GRIK4: variants seen among roughly 807,000 people sequenced by gnomAD.
GRIK4 encodes the protein glutamate ionotropic receptor kainate type subunit 4.
A neutral mutation model predicts 104.9 loss-of-function variants in GRIK4; 40 were observed. That is an observed-to-expected ratio of 0.38 (90% confidence interval 0.30 to 0.50). The LOEUF is 0.50. Ranked by LOEUF, GRIK4 falls within the 20% of genes least tolerant of loss-of-function variation. The pLI, the probability that GRIK4 is intolerant of heterozygous loss-of-function variation, is 0.93. For synonymous variants in GRIK4, 485 were observed against 524.9 expected (o/e 0.92, Z 1.04); for missense variants, 1,047 against 1,308.1 (o/e 0.80, Z 3.08).
At chr11:120,786,776 A>G (rs1952287072) in intron 3 of GRIK4, among the ~76,000 whole-genome samples, 1 of 152,194 alleles carries the variant, frequency 6.6e-6, no homozygotes, top group African/African-American at 2.4e-5. Context: ...GAGAAAATAG[A>G]TGCCATCCAG....
At position 120,956,722 on chromosome 11, in the gene GRIK4, C is replaced by A; in HGVS notation, c.1701-58C>A. The A allele has an allele frequency of 7.5e-7, 1 of 1,329,660 alleles. No homozygotes were observed. The highest frequency in any genetic ancestry group is 1.4e-5 in the African/African-American group (1 of 69,228). 82.4% of individuals were successfully genotyped at this position (1,329,660 alleles called of 1,614,324 possible). A position where few individuals can be genotyped will look rare whatever the true frequency, so the allele number is the denominator to read the frequency against. ...GGTGAGACCAGCCAGGAGAGCCTGC[C>A]TGTGTCCCTTCACACCCCGCCTCTG... is the stretch of plus-strand genomic sequence containing the variant. On this transcript the variant is annotated intron_variant, in intron 15 of 20. Coordinates refer to ENST00000527524, the MANE Select transcript of GRIK4 (RefSeq NM_014619.5). This position sits in a 1 kb window ranked among gnomAD's most constrained non-coding sequence, Gnocchi z 4.6.
At chr11:120,778,399 A>G (rs1445076371) in intron 3 of GRIK4, among the ~76,000 whole-genome samples, 1 of 152,252 alleles carries the variant, frequency 6.6e-6, no homozygotes, top group Non-Finnish European at 1.5e-5. Context: ...CATTCCGTTT[A>G]TATCCCTATG....
intron 3 of GRIK4, among the ~76,000 whole-genome samples, chr11:120,774,946 G>T (rs2135462386): frequency 2.0e-5 from 3 of 152,310 alleles, no homozygotes; most frequent in African/African-American, 7.2e-5. Flanking sequence ...CTCTACCACA[G>T]GGGTGAGAGA....
At chr11:120,842,175 A>G (rs991939620) in intron 8 of GRIK4, among the ~76,000 whole-genome samples, 1 of 152,218 alleles carries the variant, frequency 6.6e-6, no homozygotes, top group Non-Finnish European at 1.5e-5. Context: ...GTTTCACACA[A>G]TGGAAGAAAA....
At chr11:120,723,431 C>A (rs775236736) in intron 3 of GRIK4, among the ~76,000 whole-genome samples, 3 of 152,180 alleles carry the variant, frequency 2.0e-5, no homozygotes, top group African/African-American at 7.2e-5. Flanking sequence ...GGGTGACAAG[C>A]AACACCAGGA....
chr11:120,526,344 T>G (rs1296325910), intron 1 of GRIK4, among the ~76,000 whole-genome samples: 1 of 151,480 alleles, frequency 6.6e-6, no homozygotes, highest in East Asian at 2.0e-4. Flanking sequence ...TCTACAGGCA[T>G]GTACCACCAT....
chr11:120,540,043 T>C (rs892495039), intron 1 of GRIK4, among the ~76,000 whole-genome samples: 1 of 152,108 alleles, frequency 6.6e-6, no homozygotes, highest in Non-Finnish European at 1.5e-5. Flanking sequence ...CTAGGTTTAT[T>C]GAGCATGTAT....
intron 3 of GRIK4, among the ~76,000 whole-genome samples, chr11:120,718,114 C>T (rs1475587888): frequency 6.6e-6 from 1 of 152,146 alleles, no homozygotes; most frequent in Non-Finnish European, 1.5e-5. Context: ...GCTGAGAAGC[C>T]TGACTTCTCC....
At chr11:120,721,362 T>A (rs1490497886) in intron 3 of GRIK4, among the ~76,000 whole-genome samples, 1 of 152,142 alleles carries the variant, frequency 6.6e-6, no homozygotes, top group Non-Finnish European at 1.5e-5. Flanking sequence ...GCAAAGGCAA[T>A]GTTTTAAAGT....
chr11:120,531,649 C>T (rs1351632679), intron 1 of GRIK4, among the ~76,000 whole-genome samples: 1 of 151,968 alleles, frequency 6.6e-6, no homozygotes, highest in African/African-American at 2.4e-5. Context: ...AGTCTCGGCT[C>T]ACTGGAACCT....
intron 3 of GRIK4, among the ~76,000 whole-genome samples, chr11:120,692,503 G>A (rs12288893): frequency 2.0e-5 from 3 of 152,228 alleles, no homozygotes; most frequent in South Asian, 2.1e-4. Flanking sequence ...TGTGGAGCCC[G>A]GGGGTGAGGC....
At chr11:120,658,509 A>G (rs767894163) in intron 2 of GRIK4, among the ~76,000 whole-genome samples, 2 of 152,132 alleles carry the variant, frequency 1.3e-5, no homozygotes, top group Non-Finnish European at 2.9e-5. Context: ...AAGAGTTCCA[A>G]TTTGTCCACA....
intron 1 of GRIK4, among the ~76,000 whole-genome samples, chr11:120,612,951 G>A (rs1355299869): frequency 2.6e-5 from 4 of 152,198 alleles, no homozygotes; most frequent in African/African-American, 4.8e-5. Context: ...GTGCAAACCC[G>A]AGTGTGTGTG....
In GRIK4 at chr11:120,751,112, G is replaced by A. The variant is rs144832491; in HGVS notation, c.83-51581G>A. Among the ~76,000 whole-genome samples, 776 of 152,136 alleles carry A rather than the reference G, an allele frequency of 5.1e-3. 5 individuals carry two copies. The highest frequency in any genetic ancestry group is 9.0e-3 in the Non-Finnish European group (611 of 67,990). ...GTGAGAAGCGCAGTAGAGAGGGAGC[G>A]ATTCTTTTCACCTTGGCATGGCCCC... On this transcript the variant is annotated intron_variant, in intron 3 of 20. Transcript: ENST00000527524.
At chr11:120,520,825 A>G (rs1419016107) in intron 1 of GRIK4, among the ~76,000 whole-genome samples, 2 of 152,208 alleles carry the variant, frequency 1.3e-5, no homozygotes, top group African/African-American at 4.8e-5. Flanking sequence ...TGCTCCTGAC[A>G]GCATCTCCCC....
intron 1 of GRIK4, among the ~76,000 whole-genome samples, chr11:120,631,843 A>G (rs1949336938): frequency 6.6e-6 from 1 of 152,120 alleles, no homozygotes; most frequent in Non-Finnish European, 1.5e-5. Context: ...GGCTTGTAGG[A>G]GGCACACAGG....
chr11:120,511,841 G>T lies in GRIK4; in HGVS notation c.-205G>T. ...CAACAGCAGCCCCGCGGCCGGCCCG[G>T]CAGCGCCCGGCCCCCGGCTCAGCCC... On this transcript the variant is annotated 5_prime_UTR_variant, in exon 1 of 21. Transcript: ENST00000527524. 2.8e-6 allele frequency: 1 copy of T among 352,066 alleles called. No homozygotes were observed. The highest frequency in any genetic ancestry group is 1.9e-5 in the South Asian group (1 of 52,728). The allele number at this position is 352,066 out of a possible 1,614,324, so 21.8% of individuals were successfully genotyped here.
In GRIK4 at chr11:120,962,485, G is replaced by A. The variant is rs150174191; in HGVS notation, c.2070G>A (p.Met690Ile). 1.4e-3 allele frequency: 2,242 copies of A among 1,613,088 alleles called. 4 individuals carry two copies. The highest frequency in any genetic ancestry group is 1.7e-3 in the Non-Finnish European group (2,036 of 1,179,142). Reference sequence around the variant, plus strand: ...CCCGCTACCAGACCTACCAACGCATGTGGAATTACATGTATTCCAAGCAGC... The same window carrying A: ...CCCGCTACCAGACCTACCAACGCATATGGAATTACATGTATTCCAAGCAGC... Reference protein sequence around the residue: ...QNSRYQTYQRMWNYMYSKQPS... With the variant: ...QNSRYQTYQRIWNYMYSKQPS... Residue 690 changes from methionine to isoleucine, a missense_variant, in exon 18 of 21, where the codon ATG becomes ATA. Coordinates refer to ENST00000527524, the MANE Select transcript of GRIK4 (RefSeq NM_014619.5).
chr11:120,760,220 A>G (rs192344027), intron 3 of GRIK4, among the ~76,000 whole-genome samples: 1 of 151,756 alleles, frequency 6.6e-6, no homozygotes, highest in East Asian at 1.9e-4. Context: ...AAAATATTCT[A>G]CATATAACTG....
Sources: allele counts gnomAD v4.1 joint callset (sites outside exome capture counted in the v4.1 genomes callset), GRCh38; gene constraint gnomAD v4.1.1; non-coding constraint Gnocchi (gnomAD v3.1); transcripts MANE v1.5; gene names NCBI Gene and HGNC (gene_info 2026-07-23, HGNC 2026-07-21).